The following MEI1 variants were observed in gnomAD, a reference collection of about 807,000 sequenced individuals.
MEI1 encodes the protein meiosis inhibitor protein 1.
Under a neutral mutation model 146.2 loss-of-function variants are expected in MEI1, and 103 were observed. The observed-to-expected ratio is 0.70, with a 90% CI of 0.60 to 0.83. The LOEUF is 0.83. MEI1 is among the 40% of genes least tolerant of loss of function. The pLI, the probability that MEI1 is intolerant of heterozygous loss-of-function variation, is 0.00. For synonymous variants in MEI1, 652 were observed against 628.2 expected, an observed-to-expected ratio of 1.04 and a Z score of -0.57; for missense variants, 1,529 against 1,533.0, an observed-to-expected ratio of 1.00 and a Z score of 0.04.
intron 19 of MEI1, among the ~76,000 whole-genome samples, chr22:41,764,522 A>T (rs1056501601): frequency 1.3e-5 from 2 of 152,208 alleles, no homozygotes; most frequent in Non-Finnish European, 2.9e-5. Flanking sequence ...ACAGTAATCA[A>T]AAAGAGGCAA....
intron 19 of MEI1, among the ~76,000 whole-genome samples, chr22:41,763,624 C>T (rs1167395374): frequency 6.6e-6 from 1 of 151,884 alleles, no homozygotes; most frequent in Non-Finnish European, 1.5e-5. Flanking sequence ...CTGAGGTGGG[C>T]GGATCACTTG....
At chr22:41,759,117 TG>T (rs1272027003) in intron 18 of MEI1, among the ~76,000 whole-genome samples, 2 of 152,284 alleles carry the variant, frequency 1.3e-5, no homozygotes, top group South Asian at 2.1e-4. Flanking sequence ...CACTCCAGCC[TG>T]GGTGACAGAG....
At chr22:41,709,342 CTCT>C in intron 3 of MEI1, 2 of 757,060 alleles carry the variant, frequency 2.6e-6, no homozygotes, top group Admixed American at 1.7e-5. Flanking sequence ...TGGGTACCTT[CTCT>C]TCTTTGCAGG....
intron 20 of MEI1, among the ~76,000 whole-genome samples, chr22:41,775,250 A>G (rs2075380210): frequency 6.6e-6 from 1 of 152,206 alleles, no homozygotes; most frequent in African/African-American, 2.4e-5. Flanking sequence ...AGAGATAACC[A>G]GATGCCTTGG....
chr22:41,729,922 A>G (rs2071708368), intron 8 of MEI1, 143 bp downstream of exon 8: 2 of 577,672 alleles, frequency 3.5e-6, no homozygotes, highest in Non-Finnish European at 5.7e-6. Context: ...GACCTTGAGC[A>G]ATTTGTTACC....
At chr22:41,729,612 T>A in intron 7 of MEI1, 53 bp from the exon 8 acceptor site, 1 of 1,202,978 alleles carries the variant, frequency 8.3e-7, no homozygotes, top group Admixed American at 1.9e-5. Flanking sequence ...GGCCAGTTTT[T>A]CTGGTCCTAT....
Position 41,795,453 on chromosome 22 carries a change from G to T in MEI1, c.3577G>T (p.Val1193Leu), listed in dbSNP as rs758882949. ...TAGCAGTGTCCTCTCTCATGAAGAG[G>T]TGGGTGATGTTCTGCAAGGTGTGGC... ...RSSSVLSHEE[V>L]GDVLQGVALA... Residue 1193 changes from valine to leucine, a missense_variant, in exon 29 of 31, where the codon GTG (valine) becomes TTG (leucine). Physicochemically the swap from Val to Leu is conservative, Grantham distance 32. Coordinates refer to ENST00000401548, the MANE Select transcript of MEI1 (RefSeq NM_152513.4). This position sits in a 1 kb window ranked among gnomAD's most constrained non-coding sequence, Gnocchi z 4.2. 6 of 1,613,792 alleles carry T rather than the reference G, an allele frequency of 3.7e-6. No homozygotes were observed. The South Asian group carries it at 4.4e-5, about 12-fold the overall frequency.
chr22:41,714,113 T>TC, intron 4 of MEI1, 38 bp downstream of exon 4: 1 of 1,537,610 alleles, frequency 6.5e-7, no homozygotes, highest in Non-Finnish European at 8.9e-7. Flanking sequence ...TCTCTCAGAA[T>TC]CCTCAGATGT....
chr22:41,738,615 T>C (rs1338647902), intron 11 of MEI1, among the ~76,000 whole-genome samples: 1 of 146,128 alleles, frequency 6.8e-6, no homozygotes, highest in Non-Finnish European at 1.5e-5. Flanking sequence ...AACACCAAAA[T>C]ACAAAAATTA....
chr22:41,718,029 A>G (rs760848628), intron 5 of MEI1, 42 bp from the exon 6 acceptor site: 1 of 1,477,752 alleles, frequency 6.8e-7, no homozygotes, highest in Non-Finnish European at 9.3e-7. Context: ...AGCAGTTGAC[A>G]TTGTGAAATT....
At chr22:41,778,335 G>A (rs1045802041) in intron 21 of MEI1, among the ~76,000 whole-genome samples, 2 of 152,206 alleles carry the variant, frequency 1.3e-5, no homozygotes, top group Non-Finnish European at 2.9e-5. Flanking sequence ...AATTTTGGAG[G>A]AACACAAACA....
chr22:41,767,855 A>G (rs1455591225), intron 19 of MEI1, among the ~76,000 whole-genome samples: 1 of 152,218 alleles, frequency 6.6e-6, no homozygotes, highest in Non-Finnish European at 1.5e-5. Flanking sequence ...ACTGGTCAAG[A>G]ACCAGCAAAG....
chr22:41,759,153 G>C (rs2074288132), intron 18 of MEI1, among the ~76,000 whole-genome samples: 1 of 151,560 alleles, frequency 6.6e-6, no homozygotes, highest in Non-Finnish European at 1.5e-5. Flanking sequence ...TTTCAAAAAG[G>C]ATATAAAAAT....
At chr22:41,705,176 C>A (rs900268759) in intron 2 of MEI1, among the ~76,000 whole-genome samples, 1 of 138,776 alleles carries the variant, frequency 7.2e-6, no homozygotes, top group African/African-American at 2.6e-5. Context: ...TTAACCACTC[C>A]TTTTTTTTTT....
chr22:41,796,909 T>C lies in MEI1; in HGVS notation c.3779+1062T>C, dbSNP rs2076379907. On this transcript the variant is annotated intron_variant, in intron 30 of 30. Coordinates refer to ENST00000401548, the MANE Select transcript of MEI1 (RefSeq NM_152513.4). Reference sequence around the variant, plus strand: ...GCAGTGAGCCAAGATCACACCACTGTACTGCACCCTGGGCGACAAAACATG... The same window carrying C: ...GCAGTGAGCCAAGATCACACCACTGCACTGCACCCTGGGCGACAAAACATG... Among the ~76,000 whole-genome samples, 3 of 152,232 alleles carry C rather than the reference T, an allele frequency of 2.0e-5. No individual in the cohort carries two copies. The South Asian group carries it at 6.2e-4, about 32-fold the overall frequency.
intron 6 of MEI1, among the ~76,000 whole-genome samples, chr22:41,719,108 G>A (rs921895378): frequency 6.0e-5 from 9 of 150,602 alleles, no homozygotes; most frequent in African/African-American, 2.2e-4. Context: ...TCAGCCTCCC[G>A]AGTAGCTGGG....
intron 1 of MEI1, among the ~76,000 whole-genome samples, chr22:41,701,507 T>C (rs2068724080): frequency 6.6e-6 from 1 of 152,006 alleles, no homozygotes; most frequent in African/African-American, 2.4e-5. Context: ...ATGAAAATAT[T>C]TTTGTTCTTG....
chr22:41,739,250 C>G (rs1472155019), intron 11 of MEI1, among the ~76,000 whole-genome samples: 1 of 152,086 alleles, frequency 6.6e-6, no homozygotes, highest in Non-Finnish European at 1.5e-5. Context: ...ATTTAATTAG[C>G]TCACATTTTT....
At chr22:41,754,631 A>G (rs961046876) in intron 17 of MEI1, among the ~76,000 whole-genome samples, 8 of 151,914 alleles carry the variant, frequency 5.3e-5, no homozygotes, top group African/African-American at 1.7e-4. Flanking sequence ...ACGGGCCTTC[A>G]CCATGTTGGC....
Sources: allele counts gnomAD v4.1 joint callset (sites outside exome capture counted in the v4.1 genomes callset), GRCh38; gene constraint gnomAD v4.1.1; non-coding constraint Gnocchi (gnomAD v3.1); transcripts MANE v1.5; gene names NCBI Gene and HGNC (gene_info 2026-07-23, HGNC 2026-07-21).